The following ITGB3 variants were observed in gnomAD, a reference collection of about 807,000 sequenced individuals.
The protein encoded by ITGB3 is integrin subunit beta 3.
A neutral mutation model predicts 85.8 loss-of-function variants in ITGB3; 48 were observed. That is an observed-to-expected ratio of 0.56 (90% CI 0.44 to 0.71). ITGB3 has a LOEUF of 0.71. ITGB3 is among the 30% of genes least tolerant of loss of function. ITGB3 has a pLI of 0.00. For missense variants in ITGB3, 861 were observed against 1,019.1 expected (o/e 0.84, Z 2.11); for synonymous variants, 363 against 395.6 (o/e 0.92, Z 0.98).
chr17:47,300,339 G>GTGCA (rs60065475), intron 11 of ITGB3, 139 bp from the exon 12 acceptor site: 27 of 643,424 alleles, frequency 4.2e-5, no homozygotes, highest in Admixed American at 9.0e-5. Context: ...TTACAGGCGC[G>GTGCA]CGCGCGCGTG....
chr17:47,284,191 G>A (rs887181516), intron 3 of ITGB3, among the ~76,000 whole-genome samples: 2 of 152,182 alleles, frequency 1.3e-5, no homozygotes, highest in South Asian at 2.1e-4. Flanking sequence ...TGATAGACCC[G>A]TGGAACTCAC....
At chr17:47,291,820 T>A (rs72825618) in intron 9 of ITGB3, among the ~76,000 whole-genome samples, 1 of 152,342 alleles carries the variant, frequency 6.6e-6, no homozygotes, top group Non-Finnish European at 1.5e-5. Flanking sequence ...AGCAGGGTGT[T>A]TATATGATCA....
chr17:47,289,704 G>T lies in ITGB3; in HGVS notation c.963G>T (p.Met321Ile). ...AGGATTATCCCTCTTTGGGGCTGAT[G>T]ACTGAGAAGCTATCCCAGAAAAACA... ...TTMDYPSLGL[M>I]TEKLSQKNIN... Residue 321 changes from methionine to isoleucine, a missense_variant, in exon 7 of 15, where the codon ATG becomes ATT. Coordinates refer to ENST00000559488, the MANE Select transcript of ITGB3 (RefSeq NM_000212.3). The T allele has an allele frequency of 6.2e-7, 1 of 1,613,604 alleles. No homozygotes were observed. Among genetic ancestry groups the T allele is most frequent in the South Asian group, 1.1e-5 (1 of 91,054 alleles).
chr17:47,254,510 T>C (rs1332738434), intron 1 of ITGB3, among the ~76,000 whole-genome samples: 2 of 152,218 alleles, frequency 1.3e-5, no homozygotes, highest in African/African-American at 4.8e-5. Context: ...TCAACTTGGC[T>C]TCCTGCGGGG....
chr17:47,300,359 G>C, intron 11 of ITGB3, 119 bp from the exon 12 acceptor site: 1 of 748,446 alleles, frequency 1.3e-6, no homozygotes, highest in Non-Finnish European at 2.4e-6. Flanking sequence ...GTGTGTGTGT[G>C]TGTGTGTGTT....
intron 14 of ITGB3, among the ~76,000 whole-genome samples, chr17:47,308,192 T>TAATAATAATAATAATAAA (rs1404310634): frequency 2.5e-5 from 2 of 79,108 alleles, no homozygotes; most frequent in Admixed American, 2.1e-4. Context: ...AATAATAAAA[T>TAATAATAATAATAATAAA]AAAATAAAAG....
At chr17:47,301,259 C>T (rs548694322) in intron 12 of ITGB3, among the ~76,000 whole-genome samples, 2 of 152,100 alleles carry the variant, frequency 1.3e-5, no homozygotes, top group Non-Finnish European at 2.9e-5. Flanking sequence ...TGTGGGCCAG[C>T]GAGGCATTGA....
At chr17:47,280,647 G>A (rs2065080570) in intron 2 of ITGB3, among the ~76,000 whole-genome samples, 1 of 152,144 alleles carries the variant, frequency 6.6e-6, no homozygotes, top group South Asian at 2.1e-4. Flanking sequence ...ATGAGTCATC[G>A]CACCCGGCCG....
rs1320551456 is a variant in ITGB3 at position 47,307,564 on chromosome 17, T to G, written c.2228T>G (p.Leu743Arg). 1 of 1,614,174 alleles carries G rather than the reference T, an allele frequency of 6.2e-7. No homozygotes were observed. Among genetic ancestry groups the G allele is most frequent in the Non-Finnish European group, 8.5e-7 (1 of 1,180,036 alleles). Residue 743 changes from leucine (L) to arginine (R), a missense_variant, in exon 14 of 15, where the codon CTC (leucine) becomes CGC (arginine). Leu to Arg is a moderately radical substitution (Grantham distance 102). Coordinates refer to ENST00000559488, the MANE Select transcript of ITGB3 (RefSeq NM_000212.3). ...IGLAALLIWK[L>R]LITIHDRKEF... ...CTTGCCGCCCTGCTCATCTGGAAAC[T>G]CCTCATCACCATCCACGACCGAAAA...
chr17:47,277,021 G>A (rs2065066301), intron 2 of ITGB3, among the ~76,000 whole-genome samples: 1 of 152,168 alleles, frequency 6.6e-6, no homozygotes, highest in Non-Finnish European at 1.5e-5. Flanking sequence ...TCTTGGGTGT[G>A]TATAGTGAGA....
intron 1 of ITGB3, among the ~76,000 whole-genome samples, chr17:47,255,332 CTA>C (rs1391272519): frequency 6.6e-6 from 1 of 151,896 alleles, no homozygotes; most frequent in Non-Finnish European, 1.5e-5. Flanking sequence ...CAAAGATAAA[CTA>C]TTCGAAAATA....
intron 11 of ITGB3, 57 bp from the exon 12 acceptor site, chr17:47,300,421 G>C: frequency 8.1e-7 from 1 of 1,233,566 alleles, no homozygotes; most frequent in Non-Finnish European, 1.2e-6. Context: ...AGCTGGACTG[G>C]GATACGCTTA....
chr17:47,275,011 A>C (rs1007900950), intron 2 of ITGB3, among the ~76,000 whole-genome samples: 4 of 152,158 alleles, frequency 2.6e-5, no homozygotes, highest in Admixed American at 2.0e-4. Context: ...AAGGAGAGGC[A>C]GCAAGGGGTA....
intron 1 of ITGB3, among the ~76,000 whole-genome samples, chr17:47,257,934 A>G (rs1025391253): frequency 1.3e-5 from 2 of 152,140 alleles, no homozygotes; most frequent in Non-Finnish European, 2.9e-5. Context: ...GAGTCTGGCT[A>G]TGACTTTAGA....
chr17:47,292,631 T>C, intron 10 of ITGB3, 63 bp downstream of exon 10: 1 of 1,557,474 alleles, frequency 6.4e-7, no homozygotes, highest in South Asian at 1.1e-5. Context: ...CTGCAACCAC[T>C]GGAAACATAG....
At chr17:47,300,336 C>CGTGT (rs1555573407) in intron 11 of ITGB3, 142 bp from the exon 12 acceptor site, 2 of 364,352 alleles carry the variant, frequency 5.5e-6, no homozygotes, top group Admixed American at 3.6e-5. Context: ...GTCTTACAGG[C>CGTGT]GCGCGCGCGC....
At chr17:47,292,695 A>C in intron 10 of ITGB3, 127 bp downstream of exon 10, 1 of 946,002 alleles carries the variant, frequency 1.1e-6, no homozygotes, top group East Asian at 2.5e-5. Flanking sequence ...GTGGTTCCTA[A>C]TCTTTTTGAG....
At chr17:47,264,405 C>T (rs966297314) in intron 1 of ITGB3, among the ~76,000 whole-genome samples, 1 of 152,192 alleles carries the variant, frequency 6.6e-6, no homozygotes. Flanking sequence ...TCAGTGGCTC[C>T]GCTACTGTCC....
chr17:47,256,932 A>T (rs2064992539), intron 1 of ITGB3, among the ~76,000 whole-genome samples: 1 of 152,176 alleles, frequency 6.6e-6, no homozygotes, highest in Admixed American at 6.5e-5. Flanking sequence ...GGCTTCGGAA[A>T]GGGAGGGCTA....
Sources: gnomAD v4.1 joint callset for allele counts (sites outside exome capture counted in the v4.1 genomes callset) on GRCh38, gnomAD v4.1.1 for gene constraint, MANE v1.5 for transcripts, NCBI Gene and HGNC (gene_info 2026-07-23, HGNC 2026-07-21) for gene names.